Variants in ENPEP observed in about 807,000 individuals in gnomAD.
ENPEP encodes the protein glutamyl aminopeptidase, also known as AP-A.
In ENPEP, 103 loss-of-function variants were observed where a neutral mutation model predicts 114.5. The observed-to-expected ratio is 0.90, with a 90% CI of 0.77 to 1.06. ENPEP has a LOEUF of 1.06. Among genes scored for constraint, ENPEP ranks in the 50% least tolerant of loss-of-function variants. ENPEP has a pLI of 0.00. For missense variants in ENPEP, 1,196 were observed against 1,161.3 expected (o/e 1.03, Z -0.43); for synonymous variants, 420 against 422.0 (o/e 1.00, Z 0.06).
At chr4:110,508,269 CAAAAA>C (rs11451516) in intron 4 of ENPEP, among the ~76,000 whole-genome samples, 1 of 109,348 alleles carries the variant, frequency 9.1e-6, no homozygotes, top group African/African-American at 3.2e-5. Flanking sequence ...CAGTACTGAC[CAAAAA>C]AAAAAAAAAA....
intron 1 of ENPEP, among the ~76,000 whole-genome samples, chr4:110,487,780 G>C (rs1724557210): frequency 6.6e-6 from 1 of 152,120 alleles, no homozygotes; most frequent in Admixed American, 6.5e-5. Context: ...CATGTAAAAA[G>C]TGTATGCTAT....
intron 3 of ENPEP, among the ~76,000 whole-genome samples, chr4:110,505,320 A>C (rs1725333965): frequency 6.6e-6 from 1 of 152,194 alleles, no homozygotes; most frequent in African/African-American, 2.4e-5. Context: ...AAGAAAAAAA[A>C]AAAACTTCTA....
At position 110,476,328 on chromosome 4, in the gene ENPEP, C is replaced by T. The variant is rs1560547753; in HGVS notation, c.-87C>T. 4 of 1,465,110 alleles carry T rather than the reference C, an allele frequency of 2.7e-6. No homozygotes were observed. In the African/African-American group the frequency reaches 4.2e-5, roughly 16 times the overall value. 90.8% of individuals were successfully genotyped at this position (1,465,110 alleles called of 1,614,324 possible). A position where few individuals can be genotyped will look rare whatever the true frequency, so the allele number is the denominator to read the frequency against. On this transcript the variant is annotated 5_prime_UTR_variant, in exon 1 of 20. Coordinates refer to ENST00000265162, the MANE Select transcript of ENPEP (RefSeq NM_001977.4). ...AAACAGGCTGCCAAATCAGGGGATT[C>T]CTTCCAATTTAAAAAGGAAGTCTGC... is the stretch of plus-strand genomic sequence containing the variant.
intron 10 of ENPEP, among the ~76,000 whole-genome samples, chr4:110,521,169 T>C (rs1368848028): frequency 6.6e-6 from 1 of 152,048 alleles, no homozygotes; most frequent in Non-Finnish European, 1.5e-5. Flanking sequence ...ACAACTCCCT[T>C]CAGCCTGGGC....
chr4:110,490,961 G>A (rs778880951), intron 2 of ENPEP, 72 bp from the exon 3 acceptor site: 18 of 1,492,454 alleles, frequency 1.2e-5, no homozygotes, highest in Admixed American at 4.3e-5. Context: ...TGGGGCAACC[G>A]TTTATTTGTT....
chr4:110,498,776 G>A (rs1023992130), intron 3 of ENPEP, among the ~76,000 whole-genome samples: 4 of 152,036 alleles, frequency 2.6e-5, no homozygotes, highest in Non-Finnish European at 4.4e-5. Context: ...CAAGTTCAAG[G>A]TTCTCATCTC....
intron 1 of ENPEP, among the ~76,000 whole-genome samples, chr4:110,487,407 G>A (rs1378219421): frequency 5.3e-5 from 8 of 152,234 alleles, no homozygotes; most frequent in Non-Finnish European, 5.9e-5. Context: ...GATGGAGTCA[G>A]TTAGGTCTGA....
intron 8 of ENPEP, among the ~76,000 whole-genome samples, chr4:110,516,928 C>T (rs1276727981): frequency 6.6e-6 from 1 of 152,082 alleles, no homozygotes; most frequent in African/African-American, 2.4e-5. Flanking sequence ...TATATTCCCT[C>T]ACTGTAAGCA....
intron 18 of ENPEP, among the ~76,000 whole-genome samples, chr4:110,555,315 ATAAAAAT>A (rs1727431996): frequency 6.6e-6 from 1 of 152,074 alleles, no homozygotes; most frequent in Non-Finnish European, 1.5e-5. Context: ...AAATTGGATA[ATAAAAAT>A]TAAACAAAAA....
rs1456069280 is a variant in ENPEP at position 110,553,429 on chromosome 4, A to G, written c.2616A>G (p.Gln872=). 8.7e-6 allele frequency: 14 copies of G among 1,610,314 alleles called. No individual in the cohort carries two copies. The highest frequency in any genetic ancestry group is 1.2e-5 in the Non-Finnish European group (14 of 1,177,556). ...AGAACATGGCCTGGAATTGGATACA[A>G]CTCAACTGGGACTATCTAGTCAACA... The part of the protein sequence containing the change: ...YGKNMAWNWI[Q]LNWDYLVNRY... The change falls in exon 18 of 20, where the codon CAA becomes CAG. Residue 872 remains glutamine, a synonymous_variant. Transcript: ENST00000265162.
intron 1 of ENPEP, among the ~76,000 whole-genome samples, chr4:110,484,769 AT>A (rs1026363225): frequency 4.1e-5 from 4 of 97,578 alleles, no homozygotes; most frequent in African/African-American, 1.4e-4. Flanking sequence ...TATATATTAT[AT>A]TATATATATA....
In ENPEP at chr4:110,520,032, A is replaced by G; in HGVS notation, c.1534A>G (p.Lys512Glu). ...GATGTACTTGGAAAAATACCAATTCAAGAATGCAAAAACTTCTGATTTTTG... is the reference window on the plus strand; with the variant it reads ...GATGTACTTGGAAAAATACCAATTCGAGAATGCAAAAACTTCTGATTTTTG... Reference protein sequence around the residue: ...CQMYLEKYQFKNAKTSDFWAA... With the variant: ...CQMYLEKYQFENAKTSDFWAA... The change falls in exon 9 of 20, where the codon AAG becomes GAG. Residue 512 changes from lysine to glutamate, a missense_variant. Transcript: ENST00000265162. 6.2e-7 allele frequency: 1 copy of G among 1,614,020 alleles called. No homozygotes were observed. The highest frequency in any genetic ancestry group is 8.5e-7 in the Non-Finnish European group (1 of 1,179,916).
At chr4:110,554,449 C>A (rs565243664) in intron 18 of ENPEP, among the ~76,000 whole-genome samples, 2 of 152,054 alleles carry the variant, frequency 1.3e-5, no homozygotes, top group African/African-American at 4.8e-5. Flanking sequence ...ATTGCTTCTG[C>A]CTGCTTGTGA....
chr4:110,537,234 G>A (rs932377762), intron 11 of ENPEP, among the ~76,000 whole-genome samples: 7 of 152,098 alleles, frequency 4.6e-5, no homozygotes, highest in South Asian at 2.1e-4. Context: ...TTCACAAAAG[G>A]TTTCTTTGAA....
intron 17 of ENPEP, among the ~76,000 whole-genome samples, chr4:110,552,887 G>T (rs1215775657): frequency 6.6e-6 from 1 of 152,050 alleles, no homozygotes; most frequent in Non-Finnish European, 1.5e-5. Flanking sequence ...GAATATAAGA[G>T]CATAGATACA....
At chr4:110,515,324 T>C (rs1176915023) in intron 7 of ENPEP, 53 bp from the exon 8 acceptor site, 17 of 1,436,380 alleles carry the variant, frequency 1.2e-5, no homozygotes, top group Non-Finnish European at 1.6e-5. Context: ...AACTGATCAT[T>C]GTTCCTTACA....
chr4:110,506,702 T>A lies in ENPEP; in HGVS notation c.984T>A (p.Ser328Arg), dbSNP rs748104343. ...TAEYAANITK[S>R]VFDYFEEYFA... ...AATATGCTGCAAACATAACTAAAAG[T>A]GTGTTTGATTATTTTGAAGAATACT... Residue 328 changes from serine (S) to arginine (R), a missense_variant, in exon 4 of 20, where the codon AGT (serine) becomes AGA (arginine). Coordinates refer to ENST00000265162, the MANE Select transcript of ENPEP (RefSeq NM_001977.4). 3.1e-6 allele frequency: 5 copies of A among 1,610,302 alleles called. No individual in the cohort carries two copies. The African/African-American group carries it at 6.7e-5, about 22-fold the overall frequency.
At chr4:110,548,079 TG>T in intron 13 of ENPEP, 96 bp from the exon 14 acceptor site, 1 of 1,290,416 alleles carries the variant, frequency 7.7e-7, no homozygotes. Flanking sequence ...TGGAATGCTT[TG>T]ATCGCCAAAA....
rs1320266001 is a variant in ENPEP, at chr4:110,563,794, T to C, written c.*2236T>C. ...TCCTGTATTCCAGATCATTGCTATG[T>C]ACCCACATAATTATAAATTAGGAGT... On this transcript the variant is annotated 3_prime_UTR_variant, in exon 20 of 20. Transcript: ENST00000265162. The C allele has an allele frequency of 6.6e-6, 1 of 152,194 alleles. No individual in the cohort carries two copies. 9.4% of individuals were successfully genotyped at this position (152,194 alleles called of 1,614,324 possible). A position where few individuals can be genotyped will look rare whatever the true frequency, so the allele number is the denominator to read the frequency against.
Sources: allele counts gnomAD v4.1 joint callset (sites outside exome capture counted in the v4.1 genomes callset), GRCh38; gene constraint gnomAD v4.1.1; transcripts MANE v1.5; gene names NCBI Gene and HGNC (gene_info 2026-07-23, HGNC 2026-07-21).